Variants in NYNRIN observed in about 807,000 individuals in gnomAD.
NYNRIN encodes the protein protein NYNRIN.
In NYNRIN, 86 loss-of-function variants were observed where a neutral mutation model predicts 146.6. The ratio of observed to expected loss-of-function variants is 0.59; its 90% CI spans 0.49 to 0.70. NYNRIN has a LOEUF of 0.70. Among genes scored for constraint, NYNRIN ranks in the 30% least tolerant of loss-of-function variants. NYNRIN has a pLI of 0.00. For synonymous variants in NYNRIN, 1,027 were observed against 1,001.3 expected (o/e 1.03, Z -0.48); for missense variants, 2,191 against 2,377.7 (o/e 0.92, Z 1.63).
chr14:24,417,153 T>C lies in NYNRIN; in HGVS notation c.5404T>C (p.Trp1802Arg). 1 of 1,613,938 alleles carries C rather than the reference T, an allele frequency of 6.2e-7. No individual in the cohort carries two copies. The highest frequency in any genetic ancestry group is 2.2e-5 in the East Asian group (1 of 44,880). Residue 1802 changes from tryptophan (W) to arginine (R), a missense_variant, in exon 9 of 9, where the codon TGG (tryptophan) becomes CGG (arginine). Trp to Arg is a moderately radical substitution (Grantham distance 101). Coordinates refer to ENST00000382554, the MANE Select transcript of NYNRIN (RefSeq NM_025081.3). ...GGTGGGGGAGCTGCTGGAGCTCCAC[T>C]GGAGGGTGGCTGACAAGGCGAGTGA... Reference protein sequence around the residue: ...QLVGELLELHWRVADKASEKA... With the variant: ...QLVGELLELHRRVADKASEKA...
chr14:24,401,762 C>T (rs1052531530), intron 2 of NYNRIN, among the ~76,000 whole-genome samples: 3 of 152,162 alleles, frequency 2.0e-5, no homozygotes, highest in African/African-American at 4.8e-5. Context: ...TGACTAGCTG[C>T]GTAACTTTGA....
At chr14:24,410,593 A>C (rs1438200779) in intron 4 of NYNRIN, among the ~76,000 whole-genome samples, 1 of 152,210 alleles carries the variant, frequency 6.6e-6, no homozygotes, top group African/African-American at 2.4e-5. Flanking sequence ...AAGGCCCAGC[A>C]CAGATTTCTT....
In NYNRIN at chr14:24,416,573, C is replaced by T. The variant is rs749652496; in HGVS notation, c.4824C>T (p.Leu1608=). The T allele has an allele frequency of 1.2e-6, 2 of 1,613,862 alleles. No homozygotes were observed. Among genetic ancestry groups the T allele is most frequent in the Non-Finnish European group, 1.7e-6 (2 of 1,179,888 alleles). Residue 1608 remains leucine, a synonymous_variant, in exon 9 of 9, where the codon CTC becomes CTT. Transcript: ENST00000382554. ...AGGTTATTGAGTCCCCATGGCCCCT[C>T]AGGTCGACCGCCCCCTGGTCGAACC... The part of the protein sequence containing the change: ...ELKVIESPWP[L]RSTAPWSNLQ...
At position 24,411,775 on chromosome 14, in the gene NYNRIN, G is replaced by A. The variant is rs906258418; in HGVS notation, c.2642+325G>A. 7.9e-5 allele frequency among the ~76,000 whole-genome samples: 12 copies of A among 152,118 alleles called. No individual in the cohort carries two copies. Among genetic ancestry groups the A allele is most frequent in the Non-Finnish European group, 1.2e-4 (8 of 68,008 alleles). ...CCCCAGGGTTTTGGGTGCCCGTTTC[G>A]GTTGAGGCTCATGTCTCCAGACTGC... On this transcript the variant is annotated intron_variant, in intron 6 of 8. Coordinates refer to ENST00000382554, the MANE Select transcript of NYNRIN (RefSeq NM_025081.3). The surrounding 1 kb of genome is among the most constrained non-coding windows in gnomAD (Gnocchi z 4.3).
At position 24,418,198 on chromosome 14, in the gene NYNRIN, T is replaced by A. The variant is rs1270528586; in HGVS notation, c.*752T>A. Reference sequence around the variant, plus strand: ...AATGGAGACAATTCCTGACCCCTGCTTTGATGGTGTTGACCCCACAGGAAT... The same window carrying A: ...AATGGAGACAATTCCTGACCCCTGCATTGATGGTGTTGACCCCACAGGAAT... On this transcript the variant is annotated 3_prime_UTR_variant, in exon 9 of 9. Coordinates refer to ENST00000382554, the MANE Select transcript of NYNRIN (RefSeq NM_025081.3). The A allele has an allele frequency of 6.6e-6, 3 of 452,612 alleles. No homozygotes were observed. The highest frequency in any genetic ancestry group is 1.3e-5 in the Non-Finnish European group (3 of 225,222). The allele number at this position is 452,612 out of a possible 1,614,324, so 28.0% of individuals were successfully genotyped here.
rs2042823451 is a variant in NYNRIN, at chr14:24,399,164, G to C, written c.-17-66G>C. 5 of 1,339,176 alleles carry C rather than the reference G, an allele frequency of 3.7e-6. No homozygotes were observed. In the African/African-American group the frequency reaches 7.4e-5, roughly 20 times the overall value. 83.0% of individuals were successfully genotyped at this position (1,339,176 alleles called of 1,614,324 possible). ...AGGAGGGGGCGTGGCTTAGGCGCCTGGGGCTGGGGGCTGGGGCGCCTGCCG... is the reference window on the plus strand; with the variant it reads ...AGGAGGGGGCGTGGCTTAGGCGCCTCGGGCTGGGGGCTGGGGCGCCTGCCG... On this transcript the variant is annotated intron_variant, in intron 1 of 8. Transcript: ENST00000382554.
chr14:24,415,937 C>T lies in NYNRIN; in HGVS notation c.4188C>T (p.Gly1396=). 1 of 1,613,892 alleles carries T rather than the reference C, an allele frequency of 6.2e-7. No homozygotes were observed. The highest frequency in any genetic ancestry group is 8.5e-7 in the Non-Finnish European group (1 of 1,179,886). Residue 1396 remains glycine (G), a synonymous_variant, in exon 9 of 9, where the codon GGC becomes GGT. Transcript: ENST00000382554. ...TCCTGCCCCTCTGGAGGGCTCGGGG[C>T]TTCCTCTCCTCTGATGGGGCTCCAC... The part of the protein sequence containing the change: ...WELLPLWRAR[G]FLSSDGAPLP...
At position 24,418,497 on chromosome 14, in the gene NYNRIN, C is replaced by G; in HGVS notation, c.*1051C>G. 3.0e-6 allele frequency: 1 copy of G among 338,632 alleles called. No individual in the cohort carries two copies. The highest frequency in any genetic ancestry group is 5.8e-6 in the Non-Finnish European group (1 of 171,988). The allele number at this position is 338,632 out of a possible 1,614,324, so 21.0% of individuals were successfully genotyped here. On this transcript the variant is annotated 3_prime_UTR_variant, in exon 9 of 9. Coordinates refer to ENST00000382554, the MANE Select transcript of NYNRIN (RefSeq NM_025081.3). ...CACCCCCCGAGTCCTGTGGACCTGC[C>G]TTCTGTGTAGAGCAAAACCCAGGCT...
In NYNRIN at chr14:24,416,859, C is replaced by T. The variant is rs753258181; in HGVS notation, c.5110C>T (p.Leu1704=). 5.0e-6 allele frequency: 8 copies of T among 1,608,160 alleles called. No homozygotes were observed. The South Asian group carries it at 8.8e-5, about 18-fold the overall frequency. Residue 1704 remains leucine, a synonymous_variant, in exon 9 of 9, where the codon CTG becomes TTG. Coordinates refer to ENST00000382554, the MANE Select transcript of NYNRIN (RefSeq NM_025081.3). Reference sequence around the variant, plus strand: ...GGCCCTGGGAGCCCAGGTGGCCTCCCTGAGTCGGGACCTCCAGTTCCCCTG... The same window carrying T: ...GGCCCTGGGAGCCCAGGTGGCCTCCTTGAGTCGGGACCTCCAGTTCCCCTG... ...GLALGAQVAS[L]SRDLQFPCLT...
rs754115535 is a variant in NYNRIN at position 24,409,062 on chromosome 14, C to T, written c.1268C>T (p.Pro423Leu). The T allele has an allele frequency of 1.2e-6, 2 of 1,613,544 alleles. No individual in the cohort carries two copies. Among genetic ancestry groups the T allele is most frequent in the Non-Finnish European group, 1.7e-6 (2 of 1,179,738 alleles). ...NLEWKQKELA[P>L]LPSAESPAGR... Reference sequence around the variant, plus strand: ...GAGTGGAAGCAGAAGGAGCTGGCTCCTCTGCCTAGTGCAGAAAGCCCAGCT... The same window carrying T: ...GAGTGGAAGCAGAAGGAGCTGGCTCTTCTGCCTAGTGCAGAAAGCCCAGCT... Residue 423 changes from proline (P) to leucine (L), a missense_variant, in exon 4 of 9, where the codon CCT becomes CTT. Physicochemically the swap from Pro to Leu is moderately conservative, Grantham distance 98 (BLOSUM62 -3). Transcript: ENST00000382554.
In NYNRIN at chr14:24,414,820, C is replaced by T. The variant is rs1219040529; in HGVS notation, c.3071C>T (p.Ala1024Val). The T allele has an allele frequency of 5.0e-6, 8 of 1,613,340 alleles. No individual in the cohort carries two copies. Among genetic ancestry groups the T allele is most frequent in the African/African-American group, 4.0e-5 (3 of 74,888 alleles). ...AEEDDLDSSLASVFRVECPSL... is the reference protein window; with the variant it reads ...AEEDDLDSSLVSVFRVECPSL... ...GAGGACGACCTTGACTCTTCGCTGG[C>T]GTCAGTGTTCAGGGTGGAGTGCCCG... The change falls in exon 9 of 9, where the codon GCG becomes GTG. Residue 1024 changes from alanine to valine, a missense_variant. Coordinates refer to ENST00000382554, the MANE Select transcript of NYNRIN (RefSeq NM_025081.3).
Position 24,416,540 on chromosome 14 carries a change from C to G in NYNRIN, c.4791C>G (p.Ser1597Arg). 1.2e-6 allele frequency: 2 copies of G among 1,613,880 alleles called. No individual in the cohort carries two copies. The highest frequency in any genetic ancestry group is 1.3e-5 in the African/African-American group (1 of 75,024). Reference protein sequence around the residue: ...LFCIPRNLIGSELKVIESPWP... With the variant: ...LFCIPRNLIGRELKVIESPWP... ...GCATCCCCCGAAATCTCATAGGCAG[C>G]GAGTTGAAGGTTATTGAGTCCCCAT... is the stretch of plus-strand genomic sequence containing the variant. The change falls in exon 9 of 9, where the codon AGC becomes AGG. Residue 1597 changes from serine (S) to arginine (R), a missense_variant. By Grantham distance (110) the Ser-to-Arg change is moderately radical. Transcript: ENST00000382554.
At chr14:24,399,758 G>A (rs922412769) in intron 2 of NYNRIN, among the ~76,000 whole-genome samples, 9 of 152,230 alleles carry the variant, frequency 5.9e-5, no homozygotes, top group African/African-American at 2.2e-4. Flanking sequence ...CAGGGCCCCA[G>A]CATCAGCAGT....
intron 8 of NYNRIN, among the ~76,000 whole-genome samples, chr14:24,413,759 A>G (rs1001041067): frequency 7.2e-5 from 11 of 152,164 alleles, no homozygotes; most frequent in African/African-American, 1.9e-4. Flanking sequence ...TGAGTACCCA[A>G]TAGATTTTTC....
chr14:24,399,710 A>C (rs2042828980), intron 2 of NYNRIN, among the ~76,000 whole-genome samples: 2 of 150,686 alleles, frequency 1.3e-5, no homozygotes, highest in South Asian at 2.1e-4. Flanking sequence ...CACTGAGAGC[A>C]CCTCCTCGGT....
Position 24,417,510 on chromosome 14 carries a change from G to A in NYNRIN, c.*64G>A. On this transcript the variant is annotated 3_prime_UTR_variant, in exon 9 of 9. Coordinates refer to ENST00000382554, the MANE Select transcript of NYNRIN (RefSeq NM_025081.3). ...GGTTTCTGCTGCTAGGCCTCCCCCT[G>A]TCCCAGCAGTGCTCTCAGTCCACTG... 7.0e-7 allele frequency: 1 copy of A among 1,427,992 alleles called. No individual in the cohort carries two copies. The highest frequency in any genetic ancestry group is 2.5e-5 in the East Asian group (1 of 39,722). 88.5% of individuals were successfully genotyped at this position (1,427,992 alleles called of 1,614,324 possible).
At position 24,408,060 on chromosome 14, in the gene NYNRIN, A is replaced by C. The variant is rs2042886433; in HGVS notation, c.390A>C (p.Thr130=). Residue 130 remains threonine (T), a synonymous_variant, in exon 3 of 9, where the codon ACA becomes ACC. Coordinates refer to ENST00000382554, the MANE Select transcript of NYNRIN (RefSeq NM_025081.3). ...GGCTGACTGAGTCTTTCATCATGAC[A>C]CAGAACTGGCTGGAGGAGCTGGTGG... ...VGGLTESFIM[T]QNWLEELVGR... is the part of the protein sequence containing the mutation. 6.2e-6 allele frequency: 10 copies of C among 1,613,698 alleles called. No homozygotes were observed. The highest frequency in any genetic ancestry group is 1.3e-5 in the African/African-American group (1 of 74,898).
chr14:24,408,708 A>G lies in NYNRIN; in HGVS notation c.914A>G (p.Gln305Arg). The change falls in exon 4 of 9, where the codon CAA (glutamine) becomes CGA (arginine). Residue 305 changes from glutamine to arginine, a missense_variant. By Grantham distance (43) the Gln-to-Arg change is conservative. This residue lies in a region of NYNRIN where 895 missense variants were observed against 941.2 expected (regional missense o/e 0.95). Coordinates refer to ENST00000382554, the MANE Select transcript of NYNRIN (RefSeq NM_025081.3). ...AGTGCTCAAGAGGAAGGGACAGTGC[A>G]AGCCACCAGCAGCCAGGACTCCACG... ...MDSAQEEGTV[Q>R]ATSSQDSTNH... 6.2e-7 allele frequency: 1 copy of G among 1,613,762 alleles called. No individual in the cohort carries two copies. The highest frequency in any genetic ancestry group is 1.1e-5 in the South Asian group (1 of 91,018).
chr14:24,408,951 C>G lies in NYNRIN; in HGVS notation c.1157C>G (p.Ala386Gly). The change falls in exon 4 of 9, where the codon GCG (alanine) becomes GGG (glycine). Residue 386 changes from alanine to glycine, a missense_variant. By Grantham distance (60) the Ala-to-Gly change is moderately conservative. Coordinates refer to ENST00000382554, the MANE Select transcript of NYNRIN (RefSeq NM_025081.3). ...CATCTGGCCTGGCTCCTGTCCCAGG[C>G]GTGCTTCAATTTCCCCTTCTGGCAG... ...SLHLAWLLSQACFNFPFWQRP... is the reference protein window; with the variant it reads ...SLHLAWLLSQGCFNFPFWQRP... The G allele has an allele frequency of 6.2e-7, 1 of 1,613,948 alleles. No homozygotes were observed. The highest frequency in any genetic ancestry group is 8.5e-7 in the Non-Finnish European group (1 of 1,179,868).
Sources: allele counts gnomAD v4.1 joint callset (sites outside exome capture counted in the v4.1 genomes callset), GRCh38; gene constraint gnomAD v4.1.1; regional missense constraint gnomAD v4.1.1; non-coding constraint Gnocchi (gnomAD v3.1); transcripts MANE v1.5; gene names NCBI Gene and HGNC (gene_info 2026-07-23, HGNC 2026-07-21).